CHCHD3: variants seen among roughly 807,000 people sequenced by gnomAD.
The protein encoded by CHCHD3 is MICOS complex subunit MIC19.
In CHCHD3, 20 loss-of-function variants were observed where a neutral mutation model predicts 38.2. That is an observed-to-expected ratio of 0.52 (90% confidence interval 0.37 to 0.76). CHCHD3 has a LOEUF of 0.76. Among genes scored for constraint, CHCHD3 ranks in the 30% least tolerant of loss-of-function variants. The pLI is 0.00. For synonymous variants in CHCHD3, 82 were observed against 100.0 expected (o/e 0.82, Z 1.07); for missense variants, 245 against 279.2 (o/e 0.88, Z 0.87).
intron 5 of CHCHD3, among the ~76,000 whole-genome samples, chr7:132,859,503 T>C (rs1483372080): frequency 2.6e-5 from 4 of 152,262 alleles, no homozygotes; most frequent in Non-Finnish European, 5.9e-5. Flanking sequence ...ATTTTCACCC[T>C]ATGTAAATTA....
intron 1 of CHCHD3, among the ~76,000 whole-genome samples, chr7:133,079,004 A>T (rs1227873094): frequency 6.6e-6 from 1 of 152,222 alleles, no homozygotes; most frequent in African/African-American, 2.4e-5. Flanking sequence ...CCCATGTCTC[A>T]GAAGGGAACA....
At chr7:132,853,245 G>A (rs1407182695) in intron 5 of CHCHD3, among the ~76,000 whole-genome samples, 1 of 152,134 alleles carries the variant, frequency 6.6e-6, no homozygotes, top group Non-Finnish European at 1.5e-5. Context: ...TGTACGCAAG[G>A]CAAAGCATCC....
At chr7:133,075,484 A>G (rs948448214) in intron 1 of CHCHD3, among the ~76,000 whole-genome samples, 1 of 152,180 alleles carries the variant, frequency 6.6e-6, no homozygotes, top group Non-Finnish European at 1.5e-5. Context: ...AGCGACGTAG[A>G]TATGAGGTAA....
At chr7:132,955,534 G>T (rs951743309) in intron 4 of CHCHD3, among the ~76,000 whole-genome samples, 1 of 149,328 alleles carries the variant, frequency 6.7e-6, no homozygotes, top group Non-Finnish European at 1.5e-5. Context: ...TGTTTTTTGG[G>T]GTTTTTTGTT....
chr7:132,825,173 CT>C (rs1013123810), intron 6 of CHCHD3, among the ~76,000 whole-genome samples: 2 of 152,052 alleles, frequency 1.3e-5, no homozygotes, highest in African/African-American at 4.8e-5. Context: ...CAAAGAGACC[CT>C]TGATGAATGT....
intron 2 of CHCHD3, among the ~76,000 whole-genome samples, chr7:133,061,649 A>G (rs1398815116): frequency 2.0e-5 from 3 of 152,076 alleles, no homozygotes; most frequent in African/African-American, 7.2e-5. Context: ...TGTTTCAAAC[A>G]CCTTGTATCT....
chr7:132,872,426 G>A (rs1279200184), intron 5 of CHCHD3, among the ~76,000 whole-genome samples: 1 of 152,128 alleles, frequency 6.6e-6, no homozygotes, highest in Non-Finnish European at 1.5e-5. Flanking sequence ...ACCTTTACCT[G>A]GGCTGATTTG....
chr7:133,018,143 G>A (rs907432313), intron 3 of CHCHD3, among the ~76,000 whole-genome samples: 1 of 152,142 alleles, frequency 6.6e-6, no homozygotes, highest in African/African-American at 2.4e-5. Flanking sequence ...ATCTAAAATA[G>A]TGGGACTTTT....
At chr7:132,866,457 C>G (rs1021123626) in intron 5 of CHCHD3, among the ~76,000 whole-genome samples, 1 of 152,152 alleles carries the variant, frequency 6.6e-6, no homozygotes, top group Non-Finnish European at 1.5e-5. Flanking sequence ...GACATACATA[C>G]AAGAAAACTT....
chr7:132,811,434 T>C (rs1385619846), intron 6 of CHCHD3, among the ~76,000 whole-genome samples: 1 of 152,176 alleles, frequency 6.6e-6, no homozygotes, highest in Non-Finnish European at 1.5e-5. Context: ...CATGTTAAAT[T>C]TTACTAAATT....
intron 4 of CHCHD3, among the ~76,000 whole-genome samples, chr7:132,901,008 G>A (rs1809652158): frequency 6.6e-6 from 1 of 152,000 alleles, no homozygotes; most frequent in Admixed American, 6.6e-5. Flanking sequence ...AAAAAACAGA[G>A]AGAGAAAAAA....
At chr7:132,836,975 C>T (rs7795075) in intron 6 of CHCHD3, among the ~76,000 whole-genome samples, 26,981 of 152,040 alleles carry the variant, frequency 0.18, 2,549 homozygotes, top group African/African-American at 0.24. Context: ...TATCTTGCAC[C>T]AGTCTTTCTG....
intron 4 of CHCHD3, among the ~76,000 whole-genome samples, chr7:132,914,298 T>G (rs1351907854): frequency 6.6e-6 from 1 of 152,174 alleles, no homozygotes; most frequent in Non-Finnish European, 1.5e-5. Flanking sequence ...TAAGGCTCTA[T>G]AACTTGATTA....
chr7:133,081,710 CTA>C, intron 1 of CHCHD3, 145 bp downstream of exon 1: 2 of 750,318 alleles, frequency 2.7e-6, no homozygotes, highest in Admixed American at 5.1e-5. Context: ...TCTTGAAACT[CTA>C]GGCTTCTTCC....
At chr7:132,787,181 G>A (rs547274012) in intron 7 of CHCHD3, among the ~76,000 whole-genome samples, 80 of 152,212 alleles carry the variant, frequency 5.3e-4, no homozygotes, top group Non-Finnish European at 1.0e-3. Flanking sequence ...GACTGACCAA[G>A]AGAAAGGGTG....
At chr7:133,069,362 CG>C (rs1814755961) in intron 2 of CHCHD3, among the ~76,000 whole-genome samples, 1 of 152,022 alleles carries the variant, frequency 6.6e-6, no homozygotes, top group Non-Finnish European at 1.5e-5. Context: ...GGCAGGATCT[CG>C]TCTTTCTCAA....
At chr7:132,970,917 A>T (rs1811597506) in intron 4 of CHCHD3, among the ~76,000 whole-genome samples, 1 of 152,174 alleles carries the variant, frequency 6.6e-6, no homozygotes, top group African/African-American at 2.4e-5. Flanking sequence ...CAAGATCCAT[A>T]GCAAGACTCT....
chr7:132,946,270 G>A (rs1810900573), intron 4 of CHCHD3, among the ~76,000 whole-genome samples: 1 of 151,738 alleles, frequency 6.6e-6, no homozygotes, highest in South Asian at 2.1e-4. Flanking sequence ...AGAGAACAGT[G>A]AAAAATTCAA....
Position 133,077,905 on chromosome 7 carries a change from T to C in CHCHD3, c.81+3952A>G, listed in dbSNP as rs1011580864. Among the ~76,000 whole-genome samples the C allele has an allele frequency of 1.1e-3, 147 of 139,390 alleles. 1 individual carries two copies. Among genetic ancestry groups the C allele is most frequent in the African/African-American group, 3.7e-3 (139 of 37,656 alleles). 91.4% of individuals were successfully genotyped at this position (139,390 alleles called of 152,430 possible). ...AAAGGGAAAAAACAAGACCCTACAA[T>C]ACCATGAAAAATAACACCTGGTAGG... On this transcript the variant is annotated intron_variant, in intron 1 of 7. Transcript: ENST00000262570.
Sources: allele counts gnomAD v4.1 joint callset (sites outside exome capture counted in the v4.1 genomes callset), GRCh38; gene constraint gnomAD v4.1.1; transcripts MANE v1.5; gene names NCBI Gene and HGNC (gene_info 2026-07-23, HGNC 2026-07-21).